DNAH11: variants seen among roughly 807,000 people sequenced by gnomAD.
DNAH11 encodes dynein axonemal heavy chain 11.
Under a neutral mutation model 526.0 loss-of-function variants are expected in DNAH11, and 442 were observed. That is an observed-to-expected ratio of 0.84 (90% CI 0.78 to 0.91). The LOEUF (loss-of-function observed/expected upper bound fraction) is 0.91. Among genes scored for constraint, DNAH11 ranks in the 40% least tolerant of loss-of-function variants. The pLI, the probability that DNAH11 is intolerant of heterozygous loss-of-function variation, is 0.00. For missense variants in DNAH11, 6,989 were observed against 5,448.7 expected (o/e 1.28, Z -8.90); for synonymous variants, 2,461 against 1,935.9 (o/e 1.27, Z -7.12).
In DNAH11 at chr7:21,901,243, C is replaced by T; in HGVS notation, c.13540C>T (p.Leu4514=). The stretch of plus-strand genomic sequence containing the variant: ...GGTTCTGGCTGGAGTGGCTCTGCTT[C>T]TAGAAGCGTAAGGTAACACTGGCAT... ...KWVLAGVALL[L]EA is the part of the protein sequence containing the mutation. The change falls in exon 82 of 82, where the codon CTA becomes TTA. Residue 4514 remains leucine, a synonymous_variant. Transcript: ENST00000409508. 1 of 1,605,266 alleles carries T rather than the reference C, an allele frequency of 6.2e-7. No homozygotes were observed. The highest frequency in any genetic ancestry group is 1.1e-5 in the South Asian group (1 of 89,634).
At chr7:21,566,904 ACTT>A (rs1395855493) in intron 6 of DNAH11, among the ~76,000 whole-genome samples, 1 of 152,168 alleles carries the variant, frequency 6.6e-6, no homozygotes, top group Non-Finnish European at 1.5e-5. Flanking sequence ...TTTTGTACTA[ACTT>A]CTTGAAAGAT....
chr7:21,883,433 T>C (rs976141719), intron 75 of DNAH11, among the ~76,000 whole-genome samples: 7 of 152,208 alleles, frequency 4.6e-5, no homozygotes, highest in Admixed American at 3.9e-4. Flanking sequence ...TAGTCATTAG[T>C]TACAACCCTT....
intron 7 of DNAH11, chr7:21,570,728 A>G (rs992775193): frequency 6.5e-6 from 1 of 153,504 alleles, no homozygotes; most frequent in Non-Finnish European, 1.4e-5. Flanking sequence ...GTATATGAAT[A>G]TATGCTGTAC....
rs975638091 is a variant in DNAH11 at position 21,561,225 on chromosome 7, G to A, written c.982+55G>A. The A allele has an allele frequency of 6.2e-6, 8 of 1,298,056 alleles. No individual in the cohort carries two copies. In the African/African-American group the frequency reaches 1.0e-4, roughly 17 times the overall value. The allele number at this position is 1,298,056 out of a possible 1,614,324, so 80.4% of individuals were successfully genotyped here. ...AATATCACCATCTGCTCATGATCCA[G>A]CCCCTGCCTGCTCGGCCTTGATATT... On this transcript the variant is annotated intron_variant, in intron 5 of 81. Coordinates refer to ENST00000409508, the MANE Select transcript of DNAH11 (RefSeq NM_001277115.2).
intron 9 of DNAH11, among the ~76,000 whole-genome samples, chr7:21,582,976 A>G (rs1784367216): frequency 6.6e-6 from 1 of 152,208 alleles, no homozygotes; most frequent in Non-Finnish European, 1.5e-5. Flanking sequence ...GGATCTGGAT[A>G]GGAAGAATCA....
intron 8 of DNAH11, among the ~76,000 whole-genome samples, chr7:21,574,184 A>G (rs1368861299): frequency 6.6e-6 from 1 of 152,222 alleles, no homozygotes; most frequent in Non-Finnish European, 1.5e-5. Context: ...TTGAACAGTT[A>G]GTCCAGCAAT....
intron 28 of DNAH11, among the ~76,000 whole-genome samples, chr7:21,654,875 C>G (rs1468482534): frequency 6.6e-6 from 1 of 152,152 alleles, no homozygotes; most frequent in Non-Finnish European, 1.5e-5. Context: ...CTCCTTTCCT[C>G]CATGACAAAA....
chr7:21,866,798 A>G (rs1329306425), intron 71 of DNAH11, 135 bp downstream of exon 71: 1 of 956,926 alleles, frequency 1.0e-6, no homozygotes, highest in Admixed American at 3.1e-5. Flanking sequence ...TTTTGATATT[A>G]TAATCACTGC....
rs542513475 is a variant in DNAH11 at position 21,543,458 on chromosome 7, G to T, written c.213G>T (p.Gly71=). The T allele has an allele frequency of 7.7e-5, 122 of 1,576,010 alleles. No homozygotes were observed. In the African/African-American group the frequency reaches 1.5e-3, roughly 19 times the overall value. The part of the protein sequence containing the change: ...FLGGRLAMML[G]FTEEKWSQYL... ...GCGGCCGCCTGGCGATGATGCTGGG[G>T]TTCACGGAGGAGAAATGGAGCCAGT... Residue 71 remains glycine, a synonymous_variant, in exon 1 of 82, where the codon GGG becomes GGT. Coordinates refer to ENST00000409508, the MANE Select transcript of DNAH11 (RefSeq NM_001277115.2).
chr7:21,868,082 C>T, intron 72 of DNAH11, 75 bp downstream of exon 72: 1 of 1,159,826 alleles, frequency 8.6e-7, no homozygotes. Flanking sequence ...CCCTTCTTTT[C>T]AGTTCACAGT....
intron 65 of DNAH11, among the ~76,000 whole-genome samples, chr7:21,838,693 A>G (rs1782088115): frequency 6.6e-6 from 1 of 151,032 alleles, no homozygotes; most frequent in Non-Finnish European, 1.5e-5. Context: ...TTTCCATGAT[A>G]TTTCATTGTT....
At chr7:21,892,944 C>T (rs1001062900) in intron 77 of DNAH11, among the ~76,000 whole-genome samples, 3 of 152,144 alleles carry the variant, frequency 2.0e-5, no homozygotes, top group Admixed American at 6.5e-5. Context: ...TCATACAGTG[C>T]GCATTCATCC....
intron 66 of DNAH11, among the ~76,000 whole-genome samples, chr7:21,843,197 A>T (rs948653760): frequency 1.3e-5 from 2 of 152,218 alleles, no homozygotes; most frequent in Non-Finnish European, 2.9e-5. Context: ...AAAATACTGA[A>T]ATTTAGTGTT....
At chr7:21,673,840 A>G (rs568469784) in intron 30 of DNAH11, among the ~76,000 whole-genome samples, 2 of 151,754 alleles carry the variant, frequency 1.3e-5, no homozygotes, top group East Asian at 3.9e-4. Context: ...GATTGAGTCT[A>G]TTTCTGTTTT....
At position 21,842,630 on chromosome 7, in the gene DNAH11, A is replaced by G. The variant is rs1314529376; in HGVS notation, c.10778A>G (p.Lys3593Arg). The change falls in exon 66 of 82, where the codon AAG becomes AGG. Residue 3593 changes from lysine (K) to arginine (R), a missense_variant. Physicochemically the swap from Lys to Arg is conservative, Grantham distance 26. Transcript: ENST00000409508. ...LHTKLANPHY[K>R]PELQAQTTLL... ...ACAAAATTGGCAAATCCTCACTATA[A>G]GCCGGAATTACAAGCTCAGACAACT... 6.2e-7 allele frequency: 1 copy of G among 1,613,878 alleles called. No homozygotes were observed. The highest frequency in any genetic ancestry group is 8.5e-7 in the Non-Finnish European group (1 of 1,179,902).
chr7:21,804,021 G>A (rs1455175904), intron 62 of DNAH11, among the ~76,000 whole-genome samples: 4 of 152,246 alleles, frequency 2.6e-5, no homozygotes, highest in Non-Finnish European at 5.9e-5. Context: ...CTCTTAGCAA[G>A]AAACGAGGGG....
At position 21,808,053 on chromosome 7, in the gene DNAH11, A is replaced by G. The variant is rs1789350616; in HGVS notation, c.10332+4A>G. The G allele has an allele frequency of 6.7e-7, 1 of 1,500,518 alleles. No homozygotes were observed. Among genetic ancestry groups the G allele is most frequent in the Admixed American group, 1.9e-5 (1 of 51,730 alleles). The allele number at this position is 1,500,518 out of a possible 1,614,324, so 93.0% of individuals were successfully genotyped here. ...GGTTCCCTTTCTTCAACAGAAGGTA[A>G]GTTCAGTTCCTTACCTTGTCAGCAG... On this transcript the variant is annotated splice_donor_region_variant and intron_variant, in intron 63 of 81. Transcript: ENST00000409508.
At chr7:21,597,220 C>T (rs1784894249) in intron 14 of DNAH11, among the ~76,000 whole-genome samples, 1 of 152,086 alleles carries the variant, frequency 6.6e-6, no homozygotes, top group Admixed American at 6.5e-5. Flanking sequence ...CAGCATTTCT[C>T]ATCAATGTGA....
chr7:21,558,781 A>G (rs1244955186), intron 2 of DNAH11, 21 bp from the exon 3 acceptor site: 2 of 1,535,512 alleles, frequency 1.3e-6, no homozygotes, highest in African/African-American at 2.8e-5. Flanking sequence ...AATTAATTTA[A>G]CTATGTTTCT....
Sources: gnomAD v4.1 joint callset for allele counts (sites outside exome capture counted in the v4.1 genomes callset) on GRCh38, gnomAD v4.1.1 for gene constraint, MANE v1.5 for transcripts, NCBI Gene and HGNC (gene_info 2026-07-23, HGNC 2026-07-21) for gene names.